Variants in COL28A1 observed in about 807,000 individuals in gnomAD.
The protein encoded by COL28A1 is collagen type XXVIII alpha 1 chain.
COL28A1 carries 161 observed loss-of-function variants against 150.2 expected under a neutral mutation model. That is an observed-to-expected ratio of 1.07 (90% CI 0.94 to 1.22). The LOEUF is 1.22. Among genes scored for constraint, COL28A1 ranks in the 50% most tolerant of loss-of-function variants. COL28A1 has a pLI of 0.00. For missense variants in COL28A1, 1,617 were observed against 1,388.3 expected (o/e 1.16, Z -2.62); for synonymous variants, 552 against 469.7 (o/e 1.18, Z -2.26).
intron 18 of COL28A1, among the ~76,000 whole-genome samples, chr7:7,448,970 T>C (rs10255201): frequency 0.19 from 28,157 of 151,974 alleles, 3,430 homozygotes; most frequent in African/African-American, 0.34. Context: ...TTAGTGAACA[T>C]AGAAGAAGTT....
intron 21 of COL28A1, 113 bp from the exon 22 acceptor site, chr7:7,437,575 ATC>A: frequency 7.2e-7 from 1 of 1,387,508 alleles, no homozygotes; most frequent in Non-Finnish European, 9.4e-7. Flanking sequence ...TATGACCTCT[ATC>A]TGTTTCAAAG....
chr7:7,393,668 G>C (rs1347188501), intron 27 of COL28A1, among the ~76,000 whole-genome samples: 1 of 152,200 alleles, frequency 6.6e-6, no homozygotes, highest in African/African-American at 2.4e-5. Context: ...GACGAATCTA[G>C]AGAGGCAGTC....
intron 1 of COL28A1, among the ~76,000 whole-genome samples, chr7:7,534,127 C>G (rs745375980): frequency 9.2e-5 from 14 of 152,130 alleles, no homozygotes; most frequent in Non-Finnish European, 1.6e-4. Flanking sequence ...AGGAGAGGAC[C>G]AATGGATGGC....
chr7:7,339,485 T>C, the COL28A1 span, among the ~76,000 whole-genome samples: 15 of 152,290 alleles, frequency 9.8e-5, no homozygotes, highest in Non-Finnish European at 2.1e-4. Flanking sequence ...GGCAGAATAC[T>C]GTTCTGACTC....
chr7:7,480,677 T>G (rs1054937521), intron 13 of COL28A1, among the ~76,000 whole-genome samples: 9 of 152,216 alleles, frequency 5.9e-5, no homozygotes, highest in Non-Finnish European at 1.0e-4. Context: ...TCAACTTTTT[T>G]CATTCATCCA....
intron 27 of COL28A1, among the ~76,000 whole-genome samples, chr7:7,417,227 C>T (rs766561885): frequency 2.0e-5 from 3 of 151,816 alleles, no homozygotes; most frequent in South Asian, 2.1e-4. Flanking sequence ...GCTGCTGACG[C>T]AGAAGCAAAG....
chr7:7,532,838 A>G lies in COL28A1; in HGVS notation c.38T>C (p.Leu13Ser). The G allele has an allele frequency of 1.2e-6, 2 of 1,612,216 alleles. No individual in the cohort carries two copies. The highest frequency in any genetic ancestry group is 1.7e-6 in the Non-Finnish European group (2 of 1,179,202). Residue 13 changes from leucine to serine, a missense_variant, in exon 2 of 35, where the codon TTG becomes TCG. By Grantham distance (145) the Leu-to-Ser change is moderately radical. Transcript: ENST00000399429. ...NRYFVFYLLL[L>S]SAFTSQTVSG... ...TACTGTTTGACTCGTAAACGCTGAC[A>G]AAAGCAGGAGATAGAAGACAAAATA...
upstream of COL28A1, among the ~76,000 whole-genome samples, chr7:7,538,866 A>C (rs1167759335): frequency 6.6e-6 from 1 of 152,028 alleles, no homozygotes; most frequent in African/African-American, 2.4e-5. Flanking sequence ...AAAAAAAAAA[A>C]CATTACCAAC....
intron 27 of COL28A1, among the ~76,000 whole-genome samples, chr7:7,402,930 T>G (rs1197554507): frequency 1.3e-5 from 2 of 152,176 alleles, no homozygotes; most frequent in African/African-American, 4.8e-5. Flanking sequence ...GGACTCATGT[T>G]TTTTCCTTGG....
chr7:7,366,877 T>C (rs779174602), intron 33 of COL28A1, among the ~76,000 whole-genome samples: 13 of 152,218 alleles, frequency 8.5e-5, no homozygotes, highest in South Asian at 2.1e-4. Flanking sequence ...TTTTAAATGT[T>C]TGGATACTGT....
chr7:7,399,130 T>G (rs1049606196), intron 27 of COL28A1, among the ~76,000 whole-genome samples: 2 of 152,102 alleles, frequency 1.3e-5, no homozygotes, highest in African/African-American at 4.8e-5. Context: ...TCCATCAAAA[T>G]ACACCTTAGC....
intron 27 of COL28A1, among the ~76,000 whole-genome samples, chr7:7,403,044 T>C (rs935095094): frequency 2.6e-5 from 4 of 152,146 alleles, no homozygotes; most frequent in African/African-American, 9.7e-5. Context: ...TGATCACTCA[T>C]GGTGTGAGAA....
chr7:7,442,331 C>T (rs1346099534), intron 20 of COL28A1, among the ~76,000 whole-genome samples: 1 of 152,122 alleles, frequency 6.6e-6, no homozygotes, highest in African/African-American at 2.4e-5. Flanking sequence ...GGGTTTAAAC[C>T]TCAACTCTCT....
chr7:7,538,634 G>C (rs1177886550), upstream of COL28A1, among the ~76,000 whole-genome samples: 2 of 151,984 alleles, frequency 1.3e-5, no homozygotes, highest in African/African-American at 4.8e-5. Context: ...CTTAATTTCA[G>C]TGGTGATGAT....
intron 21 of COL28A1, among the ~76,000 whole-genome samples, chr7:7,439,775 GCA>G (rs1314412723): frequency 6.6e-6 from 1 of 152,172 alleles, no homozygotes; most frequent in Admixed American, 6.5e-5. Flanking sequence ...TACTTGAGAA[GCA>G]CAGATTCCTG....
downstream of COL28A1, among the ~76,000 whole-genome samples, chr7:7,354,205 G>A (rs186194363): frequency 5.3e-5 from 8 of 151,954 alleles, no homozygotes; most frequent in East Asian, 1.4e-3. Context: ...TGTTGCCCAG[G>A]CTGGTCTGAA....
chr7:7,520,842 T>C (rs918362961), intron 5 of COL28A1, among the ~76,000 whole-genome samples: 3 of 152,182 alleles, frequency 2.0e-5, no homozygotes, highest in East Asian at 1.9e-4. Flanking sequence ...CTTGGTGTCA[T>C]AGAGATAAAC....
chr7:7,500,959 A>C (rs1780489875), intron 11 of COL28A1, among the ~76,000 whole-genome samples: 1 of 152,150 alleles, frequency 6.6e-6, no homozygotes, highest in Admixed American at 6.5e-5. Context: ...CTCTTCAAAC[A>C]TGGTTGTAGT....
At chr7:7,491,113 C>T (rs142767056) in intron 11 of COL28A1, among the ~76,000 whole-genome samples, 1,888 of 152,236 alleles carry the variant, frequency 0.012, 18 homozygotes, top group Middle Eastern at 0.034. Flanking sequence ...TCCTCCCCTG[C>T]GGCTGTCCTT....
Sources: allele counts gnomAD v4.1 joint callset (sites outside exome capture counted in the v4.1 genomes callset), GRCh38; gene constraint gnomAD v4.1.1; transcripts MANE v1.5; gene names NCBI Gene and HGNC (gene_info 2026-07-23, HGNC 2026-07-21).